The following DACH1 variants were observed in gnomAD, a reference collection of about 807,000 sequenced individuals.
The protein encoded by DACH1 is dachshund family transcription factor 1, also known as dachshund homolog 1.
In DACH1, 12 loss-of-function variants were observed where a neutral mutation model predicts 54.2. That is an observed-to-expected ratio of 0.22 (90% CI 0.14 to 0.36). The LOEUF (loss-of-function observed/expected upper bound fraction) is 0.36, where lower values mean the gene tolerates loss of function less well. Ranked by LOEUF, DACH1 falls within the 10% of genes least tolerant of loss-of-function variation. The pLI, the probability that DACH1 is intolerant of heterozygous loss-of-function variation, is 1.00. For missense variants in DACH1, 805 were observed against 929.8 expected (o/e 0.87, Z 1.75); for synonymous variants, 386 against 366.2 (o/e 1.05, Z -0.62).
chr13:71,858,485 A>AT lies in DACH1; in HGVS notation c.848+7436dup, dbSNP rs35066776. Among the ~76,000 whole-genome samples, 428 of 150,640 alleles carry AT rather than the reference A, an allele frequency of 2.8e-3. 4 individuals are homozygous for AT. The highest frequency in any genetic ancestry group is 5.0e-3 in the Admixed American group (76 of 15,092). ...AATCATGCTTTAAAAGTATATCCATATTTTTTTTGTCAAAAATATAGGCTA... is the reference window on the plus strand; with the variant it reads ...AATCATGCTTTAAAAGTATATCCATATTTTTTTTTGTCAAAAATATAGGCTA... On this transcript the variant is annotated intron_variant, in intron 1 of 10. Transcript: ENST00000613252.
chr13:71,834,547 A>G (rs866194614), intron 1 of DACH1, among the ~76,000 whole-genome samples: 14 of 152,060 alleles, frequency 9.2e-5, no homozygotes, highest in Middle Eastern at 6.3e-3. Context: ...AAGTAGTCCC[A>G]TGAATGAAGT....
At chr13:71,759,070 G>A (rs951426884) in intron 1 of DACH1, among the ~76,000 whole-genome samples, 1 of 151,948 alleles carries the variant, frequency 6.6e-6, no homozygotes, top group Non-Finnish European at 1.5e-5. Context: ...TTAATCACTG[G>A]TCTGGAACTT....
At chr13:71,484,072 A>T (rs1487580461) in intron 7 of DACH1, among the ~76,000 whole-genome samples, 1 of 152,188 alleles carries the variant, frequency 6.6e-6, no homozygotes, top group Non-Finnish European at 1.5e-5. Flanking sequence ...CCACAAACAC[A>T]GAAGTAGAGA....
Position 71,589,951 on chromosome 13 carries a change from T to C in DACH1, c.1127-16939A>G, listed in dbSNP as rs534781008. Among the ~76,000 whole-genome samples, 5 of 152,230 alleles carry C rather than the reference T, an allele frequency of 3.3e-5. No individual in the cohort carries two copies. The South Asian group carries it at 8.3e-4, about 25-fold the overall frequency. ...TGCCAGAGAGCAATTCTGTTTAATA[T>C]GTACATTTTAAACTATACCTACGGG... On this transcript the variant is annotated intron_variant, in intron 3 of 10. Transcript: ENST00000613252.
At chr13:71,452,722 G>A (rs530832827) in intron 10 of DACH1, among the ~76,000 whole-genome samples, 1 of 152,250 alleles carries the variant, frequency 6.6e-6, no homozygotes, top group East Asian at 1.9e-4. Context: ...CAGAGGGTGT[G>A]GACATTAGCT....
At chr13:71,629,212 C>T (rs1876889989) in intron 3 of DACH1, among the ~76,000 whole-genome samples, 1 of 152,050 alleles carries the variant, frequency 6.6e-6, no homozygotes, top group Non-Finnish European at 1.5e-5. Flanking sequence ...CCGAAACAAT[C>T]CTCATCCCTC....
intron 1 of DACH1, among the ~76,000 whole-genome samples, chr13:71,845,761 C>T (rs568674914): frequency 1.3e-5 from 2 of 152,278 alleles, no homozygotes; most frequent in East Asian, 1.9e-4. Context: ...GTATTACTTT[C>T]TCCCCACTGA....
chr13:71,580,739 C>T (rs1872778338), intron 3 of DACH1, among the ~76,000 whole-genome samples: 1 of 152,116 alleles, frequency 6.6e-6, no homozygotes, highest in Non-Finnish European at 1.5e-5. Context: ...AGAAGGACAT[C>T]ACCGGCGAGT....
rs773993832 is a variant in DACH1, at chr13:71,557,136, G to C, written c.1458C>G (p.Ser486=). ...DRIPVHQNGL[S]MNQMLMGLSP... ...ATAAGCCCATCAGCATCTGGTTCAT[G>C]GACAACCCATTCTGATGGACCGCTA... Residue 486 remains serine (S), a synonymous_variant, in exon 6 of 11, where the codon TCC becomes TCG. Transcript: ENST00000613252. 6.2e-7 allele frequency: 1 copy of C among 1,608,676 alleles called. No individual in the cohort carries two copies. The highest frequency in any genetic ancestry group is 8.5e-7 in the Non-Finnish European group (1 of 1,177,946).
At chr13:71,501,473 A>G (rs1038014678) in intron 6 of DACH1, among the ~76,000 whole-genome samples, 1 of 152,176 alleles carries the variant, frequency 6.6e-6, no homozygotes. Context: ...AAAAAGAAAA[A>G]CATTAAAAAT....
chr13:71,692,487 T>C (rs1034500437), intron 1 of DACH1, among the ~76,000 whole-genome samples: 24 of 149,086 alleles, frequency 1.6e-4, no homozygotes, highest in Non-Finnish European at 2.8e-4. Flanking sequence ...CTTTCCTTTC[T>C]TTTTCTTTCT....
At chr13:71,840,067 C>T (rs1192029394) in intron 1 of DACH1, among the ~76,000 whole-genome samples, 7 of 152,112 alleles carry the variant, frequency 4.6e-5, no homozygotes, top group Non-Finnish European at 1.0e-4. Flanking sequence ...ATGCTTTGGC[C>T]TCCCAAGTAG....
rs143174332 is a variant in DACH1 at position 71,571,057 on chromosome 13, T to C, written c.1299+1783A>G. ...CAGGCCATAATTTAGACACCCATTA[T>C]GACTTTAAACTGCTAAAAGCTGCTC... is the stretch of plus-strand genomic sequence containing the variant. On this transcript the variant is annotated intron_variant, in intron 4 of 10. Transcript: ENST00000613252. 2.3e-3 allele frequency among the ~76,000 whole-genome samples: 348 copies of C among 152,336 alleles called. 2 individuals are homozygous for C. Among genetic ancestry groups the C allele is most frequent in the African/African-American group, 7.8e-3 (326 of 41,570 alleles).
chr13:71,543,291 T>A (rs1883252838), intron 6 of DACH1, among the ~76,000 whole-genome samples: 1 of 152,094 alleles, frequency 6.6e-6, no homozygotes, highest in Non-Finnish European at 1.5e-5. Context: ...TCAGCACACA[T>A]CCCACATTGG....
chr13:71,513,433 C>T (rs530391441), intron 6 of DACH1, among the ~76,000 whole-genome samples: 1 of 151,938 alleles, frequency 6.6e-6, no homozygotes, highest in South Asian at 2.1e-4. Flanking sequence ...ATGAAAAGGG[C>T]AGATAATACA....
chr13:71,661,225 T>G (rs1290459781), intron 2 of DACH1, among the ~76,000 whole-genome samples: 3 of 151,504 alleles, frequency 2.0e-5, no homozygotes, highest in Non-Finnish European at 4.4e-5. Context: ...TTATCTTGAG[T>G]AAATATGAAC....
chr13:71,860,080 C>T (rs977317519), intron 1 of DACH1, among the ~76,000 whole-genome samples: 2 of 151,618 alleles, frequency 1.3e-5, no homozygotes, highest in Admixed American at 6.6e-5. Flanking sequence ...ACATAACAAA[C>T]ATAATAGAGA....
At chr13:71,502,502 T>C (rs1470985678) in intron 6 of DACH1, among the ~76,000 whole-genome samples, 1 of 152,206 alleles carries the variant, frequency 6.6e-6, no homozygotes, top group Non-Finnish European at 1.5e-5. Context: ...TGTTTAACCA[T>C]GAAAGTACTA....
intron 6 of DACH1, among the ~76,000 whole-genome samples, chr13:71,503,205 A>T (rs887160644): frequency 6.6e-6 from 1 of 152,140 alleles, no homozygotes; most frequent in Admixed American, 6.5e-5. Flanking sequence ...ATTCATCAAA[A>T]ATTATTATCA....
Sources: gnomAD v4.1 joint callset for allele counts (sites outside exome capture counted in the v4.1 genomes callset) on GRCh38, gnomAD v4.1.1 for gene constraint, MANE v1.5 for transcripts, NCBI Gene and HGNC (gene_info 2026-07-23, HGNC 2026-07-21) for gene names.